Variants in ZNF804B observed in about 807,000 individuals in gnomAD.
ZNF804B encodes zinc finger 804B.
ZNF804B carries 80 observed loss-of-function variants against 101.4 expected under a neutral mutation model. The ratio of observed to expected loss-of-function variants is 0.79; its 90% CI spans 0.66 to 0.95. The LOEUF (loss-of-function observed/expected upper bound fraction) is 0.95, where lower values mean the gene tolerates loss of function less well. Ranked by LOEUF, ZNF804B falls within the 40% of genes least tolerant of loss-of-function variation. The pLI, the probability that ZNF804B is intolerant of heterozygous loss-of-function variation, is 0.00. For missense variants in ZNF804B, 1,673 were observed against 1,561.9 expected, an observed-to-expected ratio of 1.07 and a Z score of -1.20; for synonymous variants, 622 against 558.8, an observed-to-expected ratio of 1.11 and a Z score of -1.59.
chr7:88,842,582 G>A (rs939193440), intron 1 of ZNF804B, among the ~76,000 whole-genome samples: 1 of 152,178 alleles, frequency 6.6e-6, no homozygotes, highest in South Asian at 2.1e-4. Context: ...AGTTAAGGAA[G>A]GTTGCCACCT....
rs201648055 is a variant in ZNF804B, at chr7:89,334,895, A to C, written c.1913A>C (p.Lys638Thr). The change falls in exon 4 of 4, where the codon AAA (lysine) becomes ACA (threonine). Residue 638 changes from lysine (K) to threonine (T), a missense_variant. Coordinates refer to ENST00000333190, the MANE Select transcript of ZNF804B (RefSeq NM_181646.5). Reference sequence around the variant, plus strand: ...TACATCTCTAGGTTTAAAAAGCATAAATTGATTCCCTGCAGTCCTCATTTG... The same window carrying C: ...TACATCTCTAGGTTTAAAAAGCATACATTGATTCCCTGCAGTCCTCATTTG... The part of the protein sequence containing the change: ...PSYISRFKKH[K>T]LIPCSPHLEF... 280 of 1,613,728 alleles carry C rather than the reference A, an allele frequency of 1.7e-4. No individual in the cohort carries two copies. Among genetic ancestry groups the C allele is most frequent in the Non-Finnish European group, 1.3e-4 (149 of 1,179,892 alleles).
intron 1 of ZNF804B, among the ~76,000 whole-genome samples, chr7:88,992,822 T>G (rs1044746932): frequency 6.6e-6 from 1 of 152,208 alleles, no homozygotes; most frequent in African/African-American, 2.4e-5. Context: ...TTATTTTAAA[T>G]CAGAAAGCTA....
At chr7:89,262,745 T>G (rs1290679285) in intron 2 of ZNF804B, among the ~76,000 whole-genome samples, 1 of 152,176 alleles carries the variant, frequency 6.6e-6, no homozygotes, top group Non-Finnish European at 1.5e-5. Flanking sequence ...GTTTGCTTAG[T>G]TTTTTGTTAC....
intron 1 of ZNF804B, among the ~76,000 whole-genome samples, chr7:88,866,359 A>G (rs571485333): frequency 6.6e-6 from 1 of 152,266 alleles, no homozygotes; most frequent in African/African-American, 2.4e-5. Flanking sequence ...TAATTTCAGA[A>G]TTCAGGCTGG....
chr7:88,823,837 A>T (rs1583959623), intron 1 of ZNF804B, among the ~76,000 whole-genome samples: 1 of 151,816 alleles, frequency 6.6e-6, no homozygotes, highest in South Asian at 2.1e-4. Flanking sequence ...AAATGTCAGT[A>T]AAAAAGAAAA....
intron 1 of ZNF804B, among the ~76,000 whole-genome samples, chr7:89,201,423 G>A (rs1356313485): frequency 6.6e-6 from 1 of 152,056 alleles, no homozygotes; most frequent in African/African-American, 2.4e-5. Context: ...GACTCCAAAA[G>A]TGTCAGCATT....
chr7:89,138,693 T>G (rs1390188183), intron 1 of ZNF804B, among the ~76,000 whole-genome samples: 1 of 151,910 alleles, frequency 6.6e-6, no homozygotes, highest in Admixed American at 6.6e-5. Context: ...TTGTGGGAGG[T>G]ACTGATGGGA....
intron 2 of ZNF804B, among the ~76,000 whole-genome samples, chr7:89,299,737 C>A (rs1455858520): frequency 6.6e-6 from 1 of 151,920 alleles, no homozygotes; most frequent in East Asian, 1.9e-4. Context: ...TTTATTTGTC[C>A]TAAGAGACTG....
intron 1 of ZNF804B, among the ~76,000 whole-genome samples, chr7:88,809,381 ACT>A (rs1259359086): frequency 6.6e-6 from 1 of 151,930 alleles, no homozygotes; most frequent in African/African-American, 2.4e-5. Context: ...CTACCTACTT[ACT>A]TACCAATCTA....
intron 1 of ZNF804B, among the ~76,000 whole-genome samples, chr7:89,190,837 C>G (rs1274324183): frequency 1.3e-5 from 2 of 152,096 alleles, no homozygotes; most frequent in Non-Finnish European, 2.9e-5. Flanking sequence ...GCTGAAGGCT[C>G]AGATGATTGT....
intron 1 of ZNF804B, among the ~76,000 whole-genome samples, chr7:89,023,715 A>C (rs1047595395): frequency 6.6e-6 from 1 of 152,204 alleles, no homozygotes; most frequent in African/African-American, 2.4e-5. Context: ...CAGAAAATCC[A>C]TGCAGAGACA....
intron 1 of ZNF804B, among the ~76,000 whole-genome samples, chr7:88,869,315 A>G (rs1290238064): frequency 1.3e-5 from 2 of 152,130 alleles, no homozygotes; most frequent in African/African-American, 2.4e-5. Context: ...CCCACCAGGT[A>G]TACCTACCTT....
intron 1 of ZNF804B, among the ~76,000 whole-genome samples, chr7:89,158,232 C>T (rs1229195125): frequency 6.6e-6 from 1 of 152,122 alleles, no homozygotes; most frequent in African/African-American, 2.4e-5. Flanking sequence ...TTCTGAAGTT[C>T]TTCAATGAAA....
At chr7:89,298,228 A>G (rs1260605628) in intron 2 of ZNF804B, among the ~76,000 whole-genome samples, 66 of 97,026 alleles carry the variant, frequency 6.8e-4, no homozygotes, top group African/African-American at 2.7e-3. Context: ...ATATATATAT[A>G]TATATATATA....
chr7:89,117,683 A>T (rs1583996631), intron 1 of ZNF804B, among the ~76,000 whole-genome samples: 1 of 152,202 alleles, frequency 6.6e-6, no homozygotes, highest in African/African-American at 2.4e-5. Flanking sequence ...ATTATATTAT[A>T]CTTGTGCTAT....
intron 1 of ZNF804B, among the ~76,000 whole-genome samples, chr7:89,127,374 T>C (rs1034085221): frequency 2.0e-5 from 3 of 151,332 alleles, no homozygotes; most frequent in African/African-American, 7.2e-5. Flanking sequence ...CGGTATTTTT[T>C]TGAACGTTAT....
chr7:89,086,321 A>T (rs1789800735), intron 1 of ZNF804B, among the ~76,000 whole-genome samples: 1 of 152,114 alleles, frequency 6.6e-6, no homozygotes, highest in South Asian at 2.1e-4. Flanking sequence ...GTCATCATTT[A>T]TTCTATAATA....
intron 1 of ZNF804B, among the ~76,000 whole-genome samples, chr7:88,861,130 G>A (rs1791638081): frequency 6.6e-6 from 1 of 152,082 alleles, no homozygotes; most frequent in South Asian, 2.1e-4. Context: ...ATTTTTAAGT[G>A]CTAGAGAACA....
At chr7:89,041,350 G>A (rs1186485522) in intron 1 of ZNF804B, among the ~76,000 whole-genome samples, 1 of 152,146 alleles carries the variant, frequency 6.6e-6, no homozygotes, top group Non-Finnish European at 1.5e-5. Flanking sequence ...CCTGGTGCCA[G>A]GGAACCACAA....
Sources: gnomAD v4.1 joint callset for allele counts (sites outside exome capture counted in the v4.1 genomes callset) on GRCh38, gnomAD v4.1.1 for gene constraint, MANE v1.5 for transcripts, NCBI Gene and HGNC (gene_info 2026-07-23, HGNC 2026-07-21) for gene names.